NSD1: variants seen among roughly 807,000 people sequenced by gnomAD.
NSD1 encodes the protein nuclear receptor binding SET domain protein 1.
A neutral mutation model predicts 242.7 loss-of-function variants in NSD1; 26 were observed. The ratio of observed to expected loss-of-function variants is 0.11; its 90% CI spans 0.08 to 0.15. NSD1 has a LOEUF of 0.15. NSD1 is among the 10% of genes least tolerant of loss of function. The probability of loss-of-function intolerance (pLI) is 1.00; values close to 1 mark genes in which losing one functional copy is unlikely to be tolerated. For synonymous variants in NSD1, 1,106 were observed against 1,178.1 expected (o/e 0.94, Z 1.25); for missense variants, 2,495 against 3,272.8 (o/e 0.76, Z 5.80).
At chr5:177,169,138 G>C (rs1253032834) in intron 2 of NSD1, among the ~76,000 whole-genome samples, 2 of 152,162 alleles carry the variant, frequency 1.3e-5, no homozygotes, top group African/African-American at 4.8e-5. Flanking sequence ...ACCAGCAGCA[G>C]ACCACCAAGC....
At chr5:177,190,829 C>T (rs2149819663) in intron 2 of NSD1, among the ~76,000 whole-genome samples, 1 of 149,032 alleles carries the variant, frequency 6.7e-6, no homozygotes, top group South Asian at 2.1e-4. Flanking sequence ...GCCACCATGC[C>T]CAGCTAATTT....
intron 14 of NSD1, chr5:177,265,778 G>A (rs1221984993): frequency 6.8e-7 from 1 of 1,462,054 alleles, no homozygotes; most frequent in Non-Finnish European, 9.6e-7. Flanking sequence ...GGGTATGGTG[G>A]AGAAGCCGGT....
intron 4 of NSD1, among the ~76,000 whole-genome samples, chr5:177,207,319 G>T (rs1762955289): frequency 6.6e-6 from 1 of 151,416 alleles, no homozygotes; most frequent in African/African-American, 2.4e-5. Flanking sequence ...GTCTCGCTCT[G>T]TTGTGCAGGC....
At position 177,233,850 on chromosome 5, in the gene NSD1, G is replaced by A. The variant is rs183914242; in HGVS notation, c.3797-1971G>A. 1.1e-4 allele frequency among the ~76,000 whole-genome samples: 16 copies of A among 152,316 alleles called. No individual in the cohort carries two copies. In the East Asian group the frequency reaches 2.5e-3, roughly 24 times the overall value. ...GTTTATGCCATGTGCTTTCCCTGAA[G>A]TGTGACTTCACTGCCATATGACCAG... On this transcript the variant is annotated intron_variant, in intron 5 of 22. Coordinates refer to ENST00000439151, the MANE Select transcript of NSD1 (RefSeq NM_022455.5).
rs1423380288 is a variant in NSD1 at position 177,299,086 on chromosome 5, G to C, written c.*3627G>C. On this transcript the variant is annotated 3_prime_UTR_variant, in exon 23 of 23. Coordinates refer to ENST00000439151, the MANE Select transcript of NSD1 (RefSeq NM_022455.5). ...GCCTGTCATTGGCTATGGCCAGTTA[G>C]TTCTCAGCTGAGCTTCCTAGGGCCA... 4.3e-6 allele frequency: 1 copy of C among 233,082 alleles called. No individual in the cohort carries two copies. Among genetic ancestry groups the C allele is most frequent in the East Asian group, 6.0e-5 (1 of 16,590 alleles). The allele number at this position is 233,082 out of a possible 1,614,324, so 14.4% of individuals were successfully genotyped here.
intron 2 of NSD1, among the ~76,000 whole-genome samples, chr5:177,158,237 A>ATTTCTTTCTTTCT (rs1206289420): frequency 9.2e-6 from 1 of 109,134 alleles, no homozygotes; most frequent in South Asian, 3.3e-4. Flanking sequence ...ATGGGTTCTA[A>ATTTCTTTCTTTCT]TTTCTTTCTT....
intron 17 of NSD1, among the ~76,000 whole-genome samples, chr5:177,278,669 T>A (rs1215130351): frequency 6.6e-6 from 1 of 152,208 alleles, no homozygotes; most frequent in East Asian, 1.9e-4. Flanking sequence ...GTCTACCATG[T>A]TTAAGAGGCA....
chr5:177,282,434 C>A, intron 18 of NSD1, 31 bp from the exon 19 acceptor site: 1 of 1,423,252 alleles, frequency 7.0e-7, no homozygotes, highest in Non-Finnish European at 9.9e-7. Flanking sequence ...TCCTTTTTTG[C>A]CATTAAGTCA....
At chr5:177,132,557 C>T (rs1013044938), upstream of NSD1, among the ~76,000 whole-genome samples, 4 of 151,788 alleles carry the variant, frequency 2.6e-5, no homozygotes, top group African/African-American at 7.3e-5. This position sits in a 1 kb window ranked among gnomAD's most constrained non-coding sequence, Gnocchi z 7.5. Context: ...GAGGGAGCTT[C>T]GTCCCGGCTG....
In NSD1 at chr5:177,172,746, C is replaced by A. The variant is rs1759817454; in HGVS notation, c.928-19138C>A. Among the ~76,000 whole-genome samples the A allele has an allele frequency of 2.0e-5, 3 of 151,944 alleles. No homozygotes were observed. The South Asian group carries it at 6.3e-4, about 32-fold the overall frequency. On this transcript the variant is annotated intron_variant, in intron 2 of 22. Coordinates refer to ENST00000439151, the MANE Select transcript of NSD1 (RefSeq NM_022455.5). ...GGTTGAGGTGGGAGGATGGCTTGGG[C>A]CCAGGACTTGGAGACCAGCCTAGGC...
At chr5:177,198,723 C>G (rs1762289192) in intron 3 of NSD1, among the ~76,000 whole-genome samples, 1 of 152,146 alleles carries the variant, frequency 6.6e-6, no homozygotes, top group South Asian at 2.1e-4. Flanking sequence ...GAATGACAGT[C>G]TTACTAACTC....
chr5:177,157,384 A>G (rs1042399093), intron 2 of NSD1, among the ~76,000 whole-genome samples: 2 of 151,906 alleles, frequency 1.3e-5, no homozygotes, highest in African/African-American at 4.8e-5. Flanking sequence ...AAAAAAATAT[A>G]TAATTCACAT....
chr5:177,273,490 T>C (rs1758110889), intron 16 of NSD1, among the ~76,000 whole-genome samples, 182 bp from the exon 17 acceptor site: 1 of 152,212 alleles, frequency 6.6e-6, no homozygotes, highest in Non-Finnish European at 1.5e-5. Flanking sequence ...TGAATACCCT[T>C]TGGACTACAT....
chr5:177,204,412 G>C, intron 4 of NSD1, 120 bp downstream of exon 4: 1 of 929,772 alleles, frequency 1.1e-6, no homozygotes, highest in Non-Finnish European at 1.7e-6. Flanking sequence ...GGAGTACAGT[G>C]GTGCAATCTT....
intron 18 of NSD1, 149 bp downstream of exon 18, chr5:177,280,983 T>G (rs1339698438): frequency 1.1e-6 from 1 of 905,716 alleles, no homozygotes; most frequent in African/African-American, 1.7e-5. Context: ...CTTCTACCGT[T>G]TAGAGGCTTA....
chr5:177,135,872 C>A lies in NSD1; in HGVS notation c.769C>A (p.Pro257Thr). The A allele has an allele frequency of 6.2e-7, 1 of 1,607,292 alleles. No individual in the cohort carries two copies. Among genetic ancestry groups the A allele is most frequent in the Non-Finnish European group, 8.5e-7 (1 of 1,174,818 alleles). The change falls in exon 2 of 23, where the codon CCC becomes ACC. Residue 257 changes from proline (P) to threonine (T), a missense_variant. Coordinates refer to ENST00000439151, the MANE Select transcript of NSD1 (RefSeq NM_022455.5). ...TGAAAAAGCAGCCCTTCTCCCAGCC[C>A]CCTTTTCACTAGGAGACACAAACAT... is the stretch of plus-strand genomic sequence containing the variant. Reference protein sequence around the residue: ...SNEKAALLPAPFSLGDTNITI... With the variant: ...SNEKAALLPATFSLGDTNITI...
At chr5:177,158,820 T>C (rs1581160224) in intron 2 of NSD1, among the ~76,000 whole-genome samples, 1 of 64,544 alleles carries the variant, frequency 1.5e-5, no homozygotes, top group South Asian at 5.3e-4. Context: ...AGACTTCATC[T>C]CAAAAAAAAA....
At position 177,211,783 on chromosome 5, in the gene NSD1, T is replaced by A; in HGVS notation, c.3384T>A (p.Ser1128=). The A allele has an allele frequency of 6.2e-7, 1 of 1,614,156 alleles. No homozygotes were observed. The highest frequency in any genetic ancestry group is 8.5e-7 in the Non-Finnish European group (1 of 1,180,018). ...GTAAAATTTCTGAAAAAGGACTCTC[T>A]TTTGAAAACGGAAAAGGCCCAGAGC... ...DPGKISEKGL[S]FENGKGPELD... is the part of the protein sequence containing the mutation. Residue 1128 remains serine (S), a synonymous_variant, in exon 5 of 23, where the codon TCT becomes TCA. Transcript: ENST00000439151.
At chr5:177,260,274 A>G in intron 14 of NSD1, 106 bp downstream of exon 14, 2 of 1,048,402 alleles carry the variant, frequency 1.9e-6, no homozygotes, top group Non-Finnish European at 2.9e-6. Flanking sequence ...AAAAAATATT[A>G]GAAATGATAC....
Sources: gnomAD v4.1 joint callset for allele counts (sites outside exome capture counted in the v4.1 genomes callset) on GRCh38, gnomAD v4.1.1 for gene constraint, Gnocchi (gnomAD v3.1) non-coding constraint, MANE v1.5 for transcripts, NCBI Gene and HGNC (gene_info 2026-07-23, HGNC 2026-07-21) for gene names.